Variants in APPL2 observed in about 807,000 individuals in gnomAD.
APPL2 encodes the protein DCC-interacting protein 13-beta.
Under a neutral mutation model 92.7 loss-of-function variants are expected in APPL2, and 84 were observed. That is an observed-to-expected ratio of 0.91 (90% CI 0.76 to 1.09). The LOEUF (loss-of-function observed/expected upper bound fraction) is 1.09, where lower values mean the gene tolerates loss of function less well. APPL2 is among the 50% of genes least tolerant of loss of function. The pLI, the probability that APPL2 is intolerant of heterozygous loss-of-function variation, is 0.00. For missense variants in APPL2, 736 were observed against 824.5 expected, an observed-to-expected ratio of 0.89 and a Z score of 1.31; for synonymous variants, 291 against 291.0, an observed-to-expected ratio of 1.00 and a Z score of 0.00.
At chr12:105,181,667 A>G (rs1431772753) in intron 17 of APPL2, among the ~76,000 whole-genome samples, 1 of 152,266 alleles carries the variant, frequency 6.6e-6, no homozygotes, top group Non-Finnish European at 1.5e-5. Flanking sequence ...CAGGGATTCA[A>G]CTTCTTCCTG....
At chr12:105,177,074 A>G in intron 18 of APPL2, 58 bp from the exon 19 acceptor site, 1 of 1,609,972 alleles carries the variant, frequency 6.2e-7, no homozygotes, top group Middle Eastern at 1.7e-4. Context: ...AAAACTGACA[A>G]GGCTACTCTC....
intron 1 of APPL2, among the ~76,000 whole-genome samples, chr12:105,234,201 C>A (rs1322480740): frequency 6.6e-6 from 1 of 152,214 alleles, no homozygotes; most frequent in Non-Finnish European, 1.5e-5. Flanking sequence ...CTCTAAACCT[C>A]CTCTGCCACA....
intron 14 of APPL2, among the ~76,000 whole-genome samples, chr12:105,193,552 G>T (rs529591896): frequency 6.6e-6 from 1 of 152,198 alleles, no homozygotes; most frequent in African/African-American, 2.4e-5. Context: ...CATTTACCCA[G>T]GAGAAGGCTA....
chr12:105,211,450 G>C, intron 4 of APPL2, 133 bp from the exon 5 acceptor site: 1 of 634,430 alleles, frequency 1.6e-6, no homozygotes, highest in Non-Finnish European at 2.8e-6. Flanking sequence ...CAGCAAGTAA[G>C]TACCCTTCAT....
At position 105,195,341 on chromosome 12, in the gene APPL2, C is replaced by T. The variant is rs149088030; in HGVS notation, c.1161G>A (p.Ala387=). The T allele has an allele frequency of 5.6e-6, 9 of 1,614,076 alleles. No individual in the cohort carries two copies. Among genetic ancestry groups the T allele is most frequent in the Non-Finnish European group, 5.9e-6 (7 of 1,180,008 alleles). ...GCAGAGCGGTCTGATTCAACTTGAT[C>T]GCGACTGCCTAAAAATCCACAGGAA... ...IYLTDNPEAV[A]IKLNQTALQA... The change falls in exon 14 of 21, where the codon GCG becomes GCA. Residue 387 remains alanine (A), a synonymous_variant. Transcript: ENST00000258530.
Position 105,176,870 on chromosome 12 carries a change from A to C in APPL2, c.1812+6T>G, listed in dbSNP as rs1047495707. 6.2e-7 allele frequency: 1 copy of C among 1,613,230 alleles called. No homozygotes were observed. The highest frequency in any genetic ancestry group is 1.7e-5 in the Admixed American group (1 of 59,740). ...ATATTATGGGATCTTCACATGAAAA[A>C]GAGACCTTTTCGCCTTCTGAGTTGC... On this transcript the variant is annotated splice_donor_region_variant and intron_variant, in intron 19 of 20. Transcript: ENST00000258530.
chr12:105,232,469 T>C (rs1205620780), intron 1 of APPL2, among the ~76,000 whole-genome samples: 1 of 152,168 alleles, frequency 6.6e-6, no homozygotes, highest in Non-Finnish European at 1.5e-5. Flanking sequence ...AAAGTTCTTA[T>C]CTCCATAATT....
chr12:105,203,010 TACACACACACACACAC>T (rs3838812), intron 9 of APPL2, among the ~76,000 whole-genome samples: 35 of 146,096 alleles, frequency 2.4e-4, no homozygotes, highest in South Asian at 6.5e-4. Flanking sequence ...ATTTGTCAAC[TACACACACACACACAC>T]ACACACACAC....
intron 14 of APPL2, 65 bp downstream of exon 14, chr12:105,195,196 C>A (rs552048602): frequency 6.0e-6 from 9 of 1,487,722 alleles, no homozygotes; most frequent in Non-Finnish European, 8.4e-6. Flanking sequence ...AGCAACAACT[C>A]ATTTCGTATT....
intron 4 of APPL2, among the ~76,000 whole-genome samples, chr12:105,216,137 C>G (rs529562812): frequency 6.6e-6 from 1 of 152,158 alleles, no homozygotes; most frequent in Non-Finnish European, 1.5e-5. Flanking sequence ...AATTTATGCA[C>G]TTTTCCTATA....
In APPL2 at chr12:105,174,376, C is replaced by T. The variant is rs145186457; in HGVS notation, c.1933G>A (p.Asp645Asn). 8.1e-6 allele frequency: 13 copies of T among 1,613,944 alleles called. No individual in the cohort carries two copies. The highest frequency in any genetic ancestry group is 1.6e-4 in the Middle Eastern group (1 of 6,062). The change falls in exon 21 of 21, where the codon GAT (aspartate) becomes AAT (asparagine). Residue 645 changes from aspartate to asparagine, a missense_variant. Physicochemically the swap from Asp to Asn is conservative, Grantham distance 23. Coordinates refer to ENST00000258530, the MANE Select transcript of APPL2 (RefSeq NM_018171.5). ...TNDGKYVLLN[D>N]QPDDDDGNPN... ...TTTCCATCATCGTCATCTGGTTGAT[C>T]GTTTAACAGTACATATTTTCCGTCA...
chr12:105,181,310 C>T (rs963879919), intron 17 of APPL2, among the ~76,000 whole-genome samples: 8 of 152,112 alleles, frequency 5.3e-5, no homozygotes, highest in African/African-American at 1.7e-4. Flanking sequence ...GGGATGAAGC[C>T]AACTTGATCA....
chr12:105,188,451 G>C lies in APPL2; in HGVS notation c.1460-4C>G. On this transcript the variant is annotated splice_polypyrimidine_tract_variant and splice_region_variant and intron_variant, in intron 16 of 20. Coordinates refer to ENST00000258530, the MANE Select transcript of APPL2 (RefSeq NM_018171.5). ...AACATCTGCTGCAAAAGAGAATCTG[G>C]AAGACAGCATTTTCCACTCAGGATC... The C allele has an allele frequency of 6.2e-7, 1 of 1,613,860 alleles. No homozygotes were observed. The highest frequency in any genetic ancestry group is 1.7e-5 in the Admixed American group (1 of 59,990).
intron 11 of APPL2, among the ~76,000 whole-genome samples, chr12:105,196,039 G>A (rs1222143372): frequency 6.7e-6 from 1 of 150,202 alleles, no homozygotes; most frequent in Non-Finnish European, 1.5e-5. Context: ...TGGGTGATAG[G>A]GCAAGGCCCT....
chr12:105,178,583 G>A (rs926923844), intron 17 of APPL2, among the ~76,000 whole-genome samples: 2 of 152,130 alleles, frequency 1.3e-5, no homozygotes, highest in Admixed American at 6.5e-5. Flanking sequence ...TTGGAAATAC[G>A]TGCAGTTACA....
rs34775780 is a variant in APPL2, at chr12:105,195,344, G to A, written c.1158C>T (p.Val386=). The stretch of plus-strand genomic sequence containing the variant: ...GAGCGGTCTGATTCAACTTGATCGC[G>A]ACTGCCTAAAAATCCACAGGAAGAC... ...QIYLTDNPEA[V]AIKLNQTALQ... is the part of the protein sequence containing the mutation. The change falls in exon 14 of 21, where the codon GTC becomes GTT. Residue 386 remains valine, a synonymous_variant. Coordinates refer to ENST00000258530, the MANE Select transcript of APPL2 (RefSeq NM_018171.5). 24,379 of 1,614,064 alleles carry A rather than the reference G, an allele frequency of 0.015. 202 individuals are homozygous for A. Among genetic ancestry groups the A allele is most frequent in the Admixed American group, 0.018 (1,062 of 60,010 alleles).
rs3838812 is a variant in APPL2 at position 105,203,010 on chromosome 12, T to TACACAC, written c.704+687_704+692dup. The stretch of plus-strand genomic sequence containing the variant: ...ATTTCCATTTTGTCTATTTGTCAAC[T>TACACAC]ACACACACACACACACACACACACA... On this transcript the variant is annotated intron_variant, in intron 9 of 20. Coordinates refer to ENST00000258530, the MANE Select transcript of APPL2 (RefSeq NM_018171.5). Among the ~76,000 whole-genome samples the TACACAC allele has an allele frequency of 2.3e-3, 341 of 146,050 alleles. 3 individuals are homozygous for TACACAC. Among genetic ancestry groups the TACACAC allele is most frequent in the East Asian group, 0.021 (102 of 4,924 alleles).
At chr12:105,185,574 T>C (rs1886529691) in intron 17 of APPL2, among the ~76,000 whole-genome samples, 1 of 151,854 alleles carries the variant, frequency 6.6e-6, no homozygotes, top group African/African-American at 2.4e-5. Context: ...CCATAGGCTG[T>C]ACCCACTGTC....
At chr12:105,219,181 C>T (rs1026508582) in intron 2 of APPL2, among the ~76,000 whole-genome samples, 3 of 152,212 alleles carry the variant, frequency 2.0e-5, no homozygotes, top group African/African-American at 7.2e-5. Flanking sequence ...CTGAGCTCTG[C>T]AGGAGCTTAT....
Sources: gnomAD v4.1 joint callset for allele counts (sites outside exome capture counted in the v4.1 genomes callset) on GRCh38, gnomAD v4.1.1 for gene constraint, MANE v1.5 for transcripts, NCBI Gene and HGNC (gene_info 2026-07-23, HGNC 2026-07-21) for gene names.